The following MAD1L1 variants were observed in gnomAD, a reference collection of about 807,000 sequenced individuals.
The protein encoded by MAD1L1 is mitotic arrest deficient 1 like 1.
In MAD1L1, 95 loss-of-function variants were observed where a neutral mutation model predicts 96.9. The observed-to-expected ratio is 0.98, with a 90% confidence interval of 0.83 to 1.16. MAD1L1 has a LOEUF of 1.16. MAD1L1 is among the 50% of genes most tolerant of loss of function. The probability of loss-of-function intolerance (pLI) is 0.00; values close to 1 mark genes in which losing one functional copy is unlikely to be tolerated. For synonymous variants in MAD1L1, 473 were observed against 396.6 expected, an observed-to-expected ratio of 1.19 and a Z score of -2.29; for missense variants, 1,007 against 954.4, an observed-to-expected ratio of 1.06 and a Z score of -0.73.
At chr7:1,854,405 G>C (rs886425387) in intron 18 of MAD1L1, 4 of 461,372 alleles carry the variant, frequency 8.7e-6, no homozygotes, top group Non-Finnish European at 1.7e-5. Flanking sequence ...CTGCAGACTA[G>C]GTGGCTCGTA....
chr7:2,184,615 A>G (rs1464756203), intron 10 of MAD1L1, among the ~76,000 whole-genome samples: 1 of 152,238 alleles, frequency 6.6e-6, no homozygotes, highest in Non-Finnish European at 1.5e-5. Flanking sequence ...AATTAACCAC[A>G]GCTATACTCA....
intron 12 of MAD1L1, among the ~76,000 whole-genome samples, chr7:2,053,726 T>C (rs1051447173): frequency 1.7e-4 from 26 of 152,180 alleles, no homozygotes; most frequent in African/African-American, 6.0e-4. Flanking sequence ...AGGGAGCCTG[T>C]GACCCAGGCC....
At chr7:1,836,892 G>A in intron 18 of MAD1L1, among the ~76,000 whole-genome samples, 2 of 152,176 alleles carry the variant, frequency 1.3e-5, no homozygotes, top group East Asian at 3.8e-4. Flanking sequence ...GGCAGTCTTT[G>A]TGACCTTGGG....
chr7:1,907,522 C>T (rs1787737883), intron 17 of MAD1L1, among the ~76,000 whole-genome samples: 1 of 152,274 alleles, frequency 6.6e-6, no homozygotes, highest in Admixed American at 6.5e-5. Context: ...GCCAGGAGGA[C>T]AATCCTACTC....
At chr7:2,118,319 T>C (rs1446683677) in intron 11 of MAD1L1, among the ~76,000 whole-genome samples, 3 of 118,658 alleles carry the variant, frequency 2.5e-5, no homozygotes, top group Non-Finnish European at 5.6e-5. Context: ...AGGACGTGGT[T>C]GGCGGTCACA....
chr7:2,078,366 C>T (rs755651974), intron 11 of MAD1L1, among the ~76,000 whole-genome samples: 4 of 152,202 alleles, frequency 2.6e-5, no homozygotes, highest in Admixed American at 6.5e-5. Flanking sequence ...CCCCTCGCTG[C>T]GAATGGGCAG....
intron 12 of MAD1L1, among the ~76,000 whole-genome samples, chr7:2,066,620 G>A (rs745658922): frequency 1.9e-4 from 29 of 152,226 alleles, no homozygotes; most frequent in Admixed American, 3.9e-4. Context: ...TGCCCTGAGC[G>A]GGCCGGGGTG....
At chr7:2,099,987 G>A (rs961962773) in intron 11 of MAD1L1, among the ~76,000 whole-genome samples, 2 of 152,254 alleles carry the variant, frequency 1.3e-5, no homozygotes, top group African/African-American at 4.8e-5. Context: ...GGGGCTGGCT[G>A]TGAGCTCCTT....
rs1162030516 is a variant in MAD1L1 at position 2,069,268 on chromosome 7, C to T, written c.1144G>A (p.Glu382Lys). ...ELRQVSGQLL[E>K]ERKKRETHEA... ...TGGGTCTCGCGCTTCTTCCTCTCCT[C>T]CAACAGCTGGCCGCTGACCTGCCGG... The change falls in exon 12 of 19, where the codon GAG (glutamate) becomes AAG (lysine). Residue 382 changes from glutamate (E) to lysine (K), a missense_variant. Physicochemically the swap from Glu to Lys is moderately conservative, Grantham distance 56. Coordinates refer to ENST00000265854, the MANE Select transcript of MAD1L1 (RefSeq NM_001013836.2). 2 of 1,611,882 alleles carry T rather than the reference C, an allele frequency of 1.2e-6. No individual in the cohort carries two copies. Among genetic ancestry groups the T allele is most frequent in the Non-Finnish European group, 1.7e-6 (2 of 1,179,708 alleles).
At chr7:2,134,411 G>A (rs927046385) in intron 11 of MAD1L1, among the ~76,000 whole-genome samples, 5 of 152,170 alleles carry the variant, frequency 3.3e-5, no homozygotes, top group East Asian at 1.9e-4. Flanking sequence ...CTACATAGAC[G>A]ATCATGTCAT....
chr7:1,996,577 A>C (rs994946549), intron 14 of MAD1L1, among the ~76,000 whole-genome samples: 2 of 152,172 alleles, frequency 1.3e-5, no homozygotes, highest in Non-Finnish European at 2.9e-5. Context: ...CCCGACTCAG[A>C]GTGGGCCTCG....
intron 14 of MAD1L1, 138 bp from the exon 15 acceptor site, chr7:1,980,679 T>A: frequency 1.4e-6 from 1 of 735,718 alleles, no homozygotes; most frequent in East Asian, 2.7e-5. Flanking sequence ...ACCTCTCTCC[T>A]GGAAGCCTGA....
At chr7:1,834,960 T>A (rs1309567518) in intron 18 of MAD1L1, among the ~76,000 whole-genome samples, 3 of 152,198 alleles carry the variant, frequency 2.0e-5, no homozygotes, top group African/African-American at 7.2e-5. Context: ...AAAGATAATG[T>A]AGTATGACTA....
chr7:1,910,834 G>A (rs1439334260), intron 17 of MAD1L1, among the ~76,000 whole-genome samples: 1 of 152,228 alleles, frequency 6.6e-6, no homozygotes, highest in South Asian at 2.1e-4. Context: ...CCTTCTGGAT[G>A]GGGAAACCGA....
At chr7:1,969,921 T>C (rs2128479258) in intron 15 of MAD1L1, among the ~76,000 whole-genome samples, 1 of 152,352 alleles carries the variant, frequency 6.6e-6, no homozygotes, top group Non-Finnish European at 1.5e-5. Context: ...GACTGCCCAC[T>C]GTTTACCCGT....
At position 2,222,727 on chromosome 7, in the gene MAD1L1, G is replaced by A. The variant is rs374963212; in HGVS notation, c.319C>T (p.Leu107=). Residue 107 remains leucine, a synonymous_variant, in exon 5 of 19, where the codon CTG becomes TTG. Coordinates refer to ENST00000265854, the MANE Select transcript of MAD1L1 (RefSeq NM_001013836.2). ...EREVDRNQEL[L]TRIRQLQERE... is the part of the protein sequence containing the mutation. ...TCCTGAAGCTGCCGGATGCGCGTCA[G>A]GAGCTCCTGGTTGCGGTCGACCTCA... The A allele has an allele frequency of 9.4e-5, 151 of 1,606,914 alleles. No homozygotes were observed. Among genetic ancestry groups the A allele is most frequent in the Non-Finnish European group, 1.2e-4 (143 of 1,179,276 alleles).
intron 17 of MAD1L1, among the ~76,000 whole-genome samples, chr7:1,920,923 G>C (rs1367034690): frequency 1.3e-5 from 2 of 152,256 alleles, no homozygotes; most frequent in African/African-American, 2.4e-5. Flanking sequence ...GGTCCAGACA[G>C]AAAAGGGTGC....
At chr7:2,013,518 T>G (rs1782394316) in intron 13 of MAD1L1, among the ~76,000 whole-genome samples, 1 of 152,206 alleles carries the variant, frequency 6.6e-6, no homozygotes, top group East Asian at 1.9e-4. Context: ...GGTTTCCTCG[T>G]GAGCGAAATT....
chr7:1,913,089 A>C (rs1788124448), intron 17 of MAD1L1, among the ~76,000 whole-genome samples: 1 of 152,214 alleles, frequency 6.6e-6, no homozygotes, highest in African/African-American at 2.4e-5. Context: ...CGGCAAGACG[A>C]GAGTTTTAAA....
Sources: gnomAD v4.1 joint callset for allele counts (sites outside exome capture counted in the v4.1 genomes callset) on GRCh38, gnomAD v4.1.1 for gene constraint, MANE v1.5 for transcripts, NCBI Gene and HGNC (gene_info 2026-07-23, HGNC 2026-07-21) for gene names.